The following ZNF710 variants were observed in gnomAD, a reference collection of about 807,000 sequenced individuals.
ZNF710 encodes the protein zinc finger protein 710.
A neutral mutation model predicts 50.6 loss-of-function variants in ZNF710; 13 were observed. The ratio of observed to expected loss-of-function variants is 0.26; its 90% CI spans 0.17 to 0.41. The LOEUF (loss-of-function observed/expected upper bound fraction) is 0.41. ZNF710 is among the 10% of genes least tolerant of loss of function. ZNF710 has a pLI of 1.00. For synonymous variants in ZNF710, 383 were observed against 397.0 expected, an observed-to-expected ratio of 0.96 and a Z score of 0.42; for missense variants, 721 against 936.6, an observed-to-expected ratio of 0.77 and a Z score of 3.01.
intron 1 of ZNF710, among the ~76,000 whole-genome samples, chr15:90,035,452 G>T (rs906722665): frequency 6.6e-6 from 1 of 152,216 alleles, no homozygotes; most frequent in Admixed American, 6.5e-5. Flanking sequence ...GACTCCCAGG[G>T]CTAGGAGGGT....
At chr15:90,076,029 C>G (rs1241941794) in intron 4 of ZNF710, 1 of 152,204 alleles carries the variant, frequency 6.6e-6, no homozygotes, top group East Asian at 1.9e-4. Flanking sequence ...GGCCCCACCC[C>G]CAGAGTTTCT....
chr15:90,073,161 C>A lies in ZNF710; in HGVS notation c.1549C>A (p.Arg517=), dbSNP rs1180654170. ...KRHMLIHTSV[R]PYQCHICFKT... ...GCACATGCTGATCCACACCAGCGTC[C>A]GGCCCTACCAGTGCCACATCTGCTT... Residue 517 remains arginine, a synonymous_variant, in exon 3 of 5, where the codon CGG becomes AGG. Transcript: ENST00000268154. The A allele has an allele frequency of 6.2e-7, 1 of 1,614,080 alleles. No individual in the cohort carries two copies. The highest frequency in any genetic ancestry group is 8.5e-7 in the Non-Finnish European group (1 of 1,180,052).
intron 1 of ZNF710, among the ~76,000 whole-genome samples, chr15:90,003,668 G>A (rs1349367824): frequency 6.6e-6 from 1 of 152,140 alleles, no homozygotes; most frequent in Non-Finnish European, 1.5e-5. Context: ...TTTGACTTCT[G>A]AAAACCTAGA....
chr15:90,032,036 G>A (rs188682134), intron 1 of ZNF710, among the ~76,000 whole-genome samples: 11 of 152,308 alleles, frequency 7.2e-5, no homozygotes, highest in Admixed American at 4.6e-4. Flanking sequence ...TCTCGCTGTC[G>A]CCCAGGCTGG....
At chr15:90,021,937 C>T (rs62021961) in intron 1 of ZNF710, among the ~76,000 whole-genome samples, 6,442 of 152,196 alleles carry the variant, frequency 0.042, 207 homozygotes, top group Non-Finnish European at 0.058. Flanking sequence ...AAAAATTAGC[C>T]GGGCATGGTG....
chr15:90,071,601 C>A (rs967009494), intron 2 of ZNF710, among the ~76,000 whole-genome samples: 1 of 151,892 alleles, frequency 6.6e-6, no homozygotes, highest in Non-Finnish European at 1.5e-5. Context: ...CCACTGGGTT[C>A]CTACTAAATT....
chr15:90,074,016 A>G (rs1165284452), intron 3 of ZNF710, 100 bp from the exon 4 acceptor site: 10 of 1,344,328 alleles, frequency 7.4e-6, no homozygotes, highest in Non-Finnish European at 1.0e-5. Context: ...AAAAAAACAA[A>G]AGAATAGGAT....
Position 90,034,346 on chromosome 15 carries a change from T to C in ZNF710, c.-29+32732T>C, listed in dbSNP as rs1315685893. On this transcript the variant is annotated intron_variant, in intron 1 of 4. Transcript: ENST00000268154. This position sits in a 1 kb window ranked among gnomAD's most constrained non-coding sequence, Gnocchi z 4.0. ...CAGGAAAGGGAGGAATTCTTTGTGC[T>C]GTTTTGTCTATGTTATTTGAAAAAG... is the stretch of plus-strand genomic sequence containing the variant. Among the ~76,000 whole-genome samples the C allele has an allele frequency of 1.3e-5, 2 of 152,204 alleles. No individual in the cohort carries two copies. Among genetic ancestry groups the C allele is most frequent in the East Asian group, 3.9e-4 (2 of 5,178 alleles).
intron 1 of ZNF710, among the ~76,000 whole-genome samples, chr15:90,017,868 T>A (rs1898497385): frequency 6.6e-6 from 1 of 152,168 alleles, no homozygotes; most frequent in African/African-American, 2.4e-5. Context: ...ACCGGCAACA[T>A]TGAGACACCT....
chr15:90,054,011 G>T (rs1483955277), intron 1 of ZNF710, among the ~76,000 whole-genome samples: 4 of 152,136 alleles, frequency 2.6e-5, no homozygotes, highest in African/African-American at 9.7e-5. Flanking sequence ...ATGGAATGGG[G>T]TTTCTTTTTC....
intron 1 of ZNF710, among the ~76,000 whole-genome samples, chr15:90,064,486 G>C (rs1009229619): frequency 6.6e-6 from 1 of 152,106 alleles, no homozygotes; most frequent in Non-Finnish European, 1.5e-5. Flanking sequence ...AGATAATAAT[G>C]GTTCTTTTTT....
rs1426127634 is a variant in ZNF710, at chr15:90,067,485, G to A, written c.348G>A (p.Glu116=). ...AGGTCAAGTTCGAGAAGGTGGAGGA[G>A]GAGGAACAGGAGGTCTATGAGGTTT... ...VPKVKFEKVE[E]EEQEVYEVSV... is the part of the protein sequence containing the mutation. Residue 116 remains glutamate (E), a synonymous_variant, in exon 2 of 5, where the codon GAG becomes GAA. Transcript: ENST00000268154. This position sits in a 1 kb window ranked among gnomAD's most constrained non-coding sequence, Gnocchi z 8.1. 4 of 1,613,316 alleles carry A rather than the reference G, an allele frequency of 2.5e-6. No homozygotes were observed. The African/African-American group carries it at 5.3e-5, about 22-fold the overall frequency.
intron 1 of ZNF710, among the ~76,000 whole-genome samples, chr15:90,063,238 A>G (rs544053713): frequency 1.3e-5 from 2 of 152,084 alleles, no homozygotes; most frequent in Non-Finnish European, 1.5e-5. Flanking sequence ...AGGAGCACAG[A>G]TGGGACCCAG....
At chr15:90,002,398 CGGGCG>C (rs1218818418) in intron 1 of ZNF710, 1 of 8,648 alleles carries the variant, frequency 1.2e-4, no homozygotes, top group African/African-American at 5.1e-4. Flanking sequence ...GTGGGGGTGG[CGGGCG>C]GGGTCCCTAC....
chr15:90,074,330 C>G (rs1271992016), intron 4 of ZNF710, 40 bp downstream of exon 4: 1 of 1,606,446 alleles, frequency 6.2e-7, no homozygotes, highest in South Asian at 1.1e-5. Context: ...AGGAATGATA[C>G]CAACATGACG....
chr15:90,058,721 A>ATATATG (rs1567236953), intron 1 of ZNF710, among the ~76,000 whole-genome samples: 3 of 144,570 alleles, frequency 2.1e-5, no homozygotes, highest in African/African-American at 8.7e-5. Context: ...ATATATATAC[A>ATATATG]CACATATACA....
chr15:90,073,691 A>T (rs536965082), intron 3 of ZNF710, among the ~76,000 whole-genome samples: 3 of 152,254 alleles, frequency 2.0e-5, no homozygotes, highest in Admixed American at 2.0e-4. Context: ...AACTGTCCAT[A>T]AAGAACAGGA....
intron 4 of ZNF710, chr15:90,075,848 G>T (rs145821180): frequency 0.01 from 1,599 of 152,370 alleles, 16 homozygotes; most frequent in Non-Finnish European, 0.016. Flanking sequence ...AGGATGAGCA[G>T]CCTCGGCCCC....
In ZNF710 at chr15:90,073,055, AC is replaced by A. The variant is rs760998316; in HGVS notation, c.1459-10del. 2 of 1,607,226 alleles carry A rather than the reference AC, an allele frequency of 1.2e-6. No homozygotes were observed. Among genetic ancestry groups the A allele is most frequent in the Admixed American group, 1.7e-5 (1 of 59,692 alleles). On this transcript the variant is annotated splice_polypyrimidine_tract_variant and intron_variant, in intron 2 of 4. Transcript: ENST00000268154. ...TGCCCATTGTGTGGCCCTGACCATC[AC>A]CCCCCACCCCACAGGGCGTGAAGGA...
Sources: allele counts gnomAD v4.1 joint callset (sites outside exome capture counted in the v4.1 genomes callset), GRCh38; gene constraint gnomAD v4.1.1; non-coding constraint Gnocchi (gnomAD v3.1); transcripts MANE v1.5; gene names NCBI Gene and HGNC (gene_info 2026-07-23, HGNC 2026-07-21).